Variants in UBIAD1 observed in about 807,000 individuals in gnomAD.
UBIAD1 encodes the protein ubiA prenyltransferase domain-containing protein 1.
In UBIAD1, 12 loss-of-function variants were observed where a neutral mutation model predicts 20.1. The ratio of observed to expected loss-of-function variants is 0.60; its 90% CI spans 0.38 to 0.97. UBIAD1 has a LOEUF of 0.97. UBIAD1 is among the 50% of genes least tolerant of loss of function. UBIAD1 has a pLI of 0.00. For synonymous variants in UBIAD1, 207 were observed against 189.2 expected, an observed-to-expected ratio of 1.09 and a Z score of -0.77; for missense variants, 333 against 419.5, an observed-to-expected ratio of 0.79 and a Z score of 1.80.
At chr1:11,295,233 A>G, downstream of UBIAD1, 1 of 347,866 alleles carries the variant, frequency 2.9e-6, no homozygotes, top group Admixed American at 4.0e-5. Context: ...GCGGCGATCA[A>G]GGTTTCTAGG....
chr1:11,294,942 C>T (rs1638423949), exon 2 of UBIAD1: 3 of 717,526 alleles, frequency 4.2e-6, no homozygotes, highest in Non-Finnish European at 7.8e-6. Context: ...CAGAAACTGC[C>T]TAGTGACCTG....
chr1:11,273,331 A>C lies in UBIAD1; in HGVS notation c.-201A>C. The C allele has an allele frequency of 1.8e-4, 106 of 574,526 alleles. No individual in the cohort carries two copies. The highest frequency in any genetic ancestry group is 2.0e-4 in the Non-Finnish European group (66 of 322,912). 35.6% of individuals were successfully genotyped at this position (574,526 alleles called of 1,614,324 possible). On this transcript the variant is annotated 5_prime_UTR_variant, in exon 1 of 2. Coordinates refer to ENST00000376810, the MANE Select transcript of UBIAD1 (RefSeq NM_013319.3). The surrounding 1 kb of genome is among the most constrained non-coding windows in gnomAD (Gnocchi z 4.9). ...GACAGACTTCGCCCAGGTGACGGGT[A>C]GTAGGGGCGGCGCCGCTTGGCCTCG... is the stretch of plus-strand genomic sequence containing the variant.
intron 1 of UBIAD1, among the ~76,000 whole-genome samples, chr1:11,279,726 A>G (rs1251340966): frequency 6.6e-6 from 1 of 152,254 alleles, no homozygotes; most frequent in Non-Finnish European, 1.5e-5. Context: ...AACTTTGGAC[A>G]TCTTAATGTC....
At position 11,273,992 on chromosome 1, in the gene UBIAD1, C is replaced by T. The variant is rs1165730334; in HGVS notation, c.461C>T (p.Pro154Leu). 2 of 1,614,074 alleles carry T rather than the reference C, an allele frequency of 1.2e-6. No homozygotes were observed. Among genetic ancestry groups the T allele is most frequent in the Admixed American group, 1.7e-5 (1 of 60,004 alleles). Residue 154 changes from proline to leucine, a missense_variant, in exon 1 of 2, where the codon CCT becomes CTT. Pro to Leu is a moderately conservative substitution (Grantham distance 98). Transcript: ENST00000376810. This position sits in a 1 kb window ranked among gnomAD's most constrained non-coding sequence, Gnocchi z 4.9. ...GCCGCTTGCCTCTACTACCTGTCCC[C>T]TCTGAAACTGGAGCACTTGGCTCTT... Reference protein sequence around the residue: ...VCAACLYYLSPLKLEHLALIY... With the variant: ...VCAACLYYLSLLKLEHLALIY...
At chr1:11,294,533 C>G (rs1258381252) in intron 1 of UBIAD1, among the ~76,000 whole-genome samples, 1 of 152,140 alleles carries the variant, frequency 6.6e-6, no homozygotes, top group African/African-American at 2.4e-5. Context: ...TAGCCGCTCC[C>G]AAGTGTGTGA....
intron 1 of UBIAD1, among the ~76,000 whole-genome samples, chr1:11,280,635 CCAAAAGCTGTGGG>C (rs1168599937): frequency 6.6e-6 from 1 of 152,186 alleles, no homozygotes; most frequent in African/African-American, 2.4e-5. Context: ...GTTCTTCAGG[CCAAAAGCTGTGGG>C]CATCGTCCTT....
chr1:11,291,831 A>G (rs764309744), downstream of UBIAD1, among the ~76,000 whole-genome samples: 5 of 152,040 alleles, frequency 3.3e-5, no homozygotes, highest in Non-Finnish European at 7.4e-5. Flanking sequence ...AAGCCATGTC[A>G]GCCTGGAAAG....
intron 1 of UBIAD1, among the ~76,000 whole-genome samples, chr1:11,280,318 G>A (rs1262220707): frequency 1.3e-5 from 2 of 152,104 alleles, no homozygotes; most frequent in African/African-American, 2.4e-5. Flanking sequence ...GTTAGGCAGG[G>A]TCTCTGTCAT....
chr1:11,292,665 G>GTATATA (rs200370196), downstream of UBIAD1, among the ~76,000 whole-genome samples: 5 of 130,760 alleles, frequency 3.8e-5, no homozygotes, highest in Admixed American at 1.7e-4. Flanking sequence ...AAGATTTTAT[G>GTATATA]TATACACACA....
chr1:11,291,149 C>G (rs948554737), downstream of UBIAD1, among the ~76,000 whole-genome samples: 4 of 152,210 alleles, frequency 2.6e-5, no homozygotes, highest in Non-Finnish European at 4.4e-5. Context: ...AAATTCTGCC[C>G]ATCCCTGTCA....
At chr1:11,298,395 C>T (rs1638479553), downstream of UBIAD1, among the ~76,000 whole-genome samples, 1 of 151,830 alleles carries the variant, frequency 6.6e-6, no homozygotes, top group Admixed American at 6.6e-5. This position sits in a 1 kb window ranked among gnomAD's most constrained non-coding sequence, Gnocchi z 4.0. Context: ...TGGCAAAAAC[C>T]CATCTCTACT....
intron 1 of UBIAD1, chr1:11,278,538 T>C (rs1187753024): frequency 1.2e-6 from 1 of 845,414 alleles, no homozygotes; most frequent in Non-Finnish European, 1.6e-6. Context: ...GTATTTTGCA[T>C]TGTGATATTT....
exon 2 of UBIAD1, chr1:11,295,075 G>T: frequency 1.6e-6 from 1 of 631,452 alleles, no homozygotes; most frequent in Non-Finnish European, 2.9e-6. Flanking sequence ...CAGGACACAG[G>T]ATACTCAACT....
chr1:11,280,486 G>T (rs143966329), intron 1 of UBIAD1, among the ~76,000 whole-genome samples: 4 of 152,104 alleles, frequency 2.6e-5, no homozygotes, highest in African/African-American at 9.7e-5. Flanking sequence ...CCAACTTCTT[G>T]CTCAGCAACT....
chr1:11,290,431 G>A (rs1638349707), downstream of UBIAD1, among the ~76,000 whole-genome samples: 1 of 152,216 alleles, frequency 6.6e-6, no homozygotes, highest in Non-Finnish European at 1.5e-5. Flanking sequence ...GGTGACAAGT[G>A]CCAGTGGGGC....
downstream of UBIAD1, among the ~76,000 whole-genome samples, chr1:11,292,668 T>TATAC (rs1223161585): frequency 5.6e-3 from 786 of 140,720 alleles, 9 homozygotes; most frequent in African/African-American, 0.018. Context: ...ATTTTATGTA[T>TATAC]ACACACACAC....
At chr1:11,282,824 C>T (rs1352470382) in intron 1 of UBIAD1, among the ~76,000 whole-genome samples, 2 of 151,462 alleles carry the variant, frequency 1.3e-5, no homozygotes, top group Non-Finnish European at 2.9e-5. Flanking sequence ...GCTGTGGCCT[C>T]CCAAAGTGCT....
At chr1:11,298,228 G>T (rs1358032206), downstream of UBIAD1, among the ~76,000 whole-genome samples, 1 of 152,034 alleles carries the variant, frequency 6.6e-6, no homozygotes, top group East Asian at 1.9e-4. The surrounding 1 kb of genome is among the most constrained non-coding windows in gnomAD (Gnocchi z 4.0). Flanking sequence ...AAAGTGTTGG[G>T]ATTACAGGCA....
intron 1 of UBIAD1, among the ~76,000 whole-genome samples, chr1:11,281,812 C>T (rs1326530738): frequency 6.6e-6 from 1 of 152,166 alleles, no homozygotes; most frequent in East Asian, 1.9e-4. Flanking sequence ...ATAAATGGAA[C>T]CTTTCACTAT....
Sources: allele counts gnomAD v4.1 joint callset (sites outside exome capture counted in the v4.1 genomes callset), GRCh38; gene constraint gnomAD v4.1.1; non-coding constraint Gnocchi (gnomAD v3.1); transcripts MANE v1.5; gene names NCBI Gene and HGNC (gene_info 2026-07-23, HGNC 2026-07-21).